The following ADAM20 variants were observed in gnomAD, a reference collection of about 807,000 sequenced individuals.
The protein encoded by ADAM20 is ADAM metallopeptidase domain 20, also known as disintegrin and metalloproteinase domain-containing protein 20.
For missense variants in ADAM20, 871 were observed against 883.2 expected (o/e 0.99, Z 0.18); for synonymous variants, 305 against 310.2 (o/e 0.98, Z 0.18).
the ADAM20 span, among the ~76,000 whole-genome samples, chr14:70,570,785 C>A: frequency 2.8e-3 from 420 of 150,552 alleles, no homozygotes; most frequent in African/African-American, 1.0e-2. Context: ...ACCCTGGTAT[C>A]AAAATCTAGC....
upstream of ADAM20, among the ~76,000 whole-genome samples, chr14:70,537,493 G>A (rs1883860922): frequency 6.6e-6 from 1 of 152,170 alleles, no homozygotes; most frequent in South Asian, 2.1e-4. Context: ...ACAGTACCTG[G>A]GGAAAGTGAG....
At chr14:70,574,803 A>C in the ADAM20 span, among the ~76,000 whole-genome samples, 1 of 152,172 alleles carries the variant, frequency 6.6e-6, no homozygotes, top group Non-Finnish European at 1.5e-5. Flanking sequence ...CAAATCAAAC[A>C]AGTGAATTTT....
At chr14:70,577,712 C>T in the ADAM20 span, among the ~76,000 whole-genome samples, 2 of 152,112 alleles carry the variant, frequency 1.3e-5, no homozygotes, top group African/African-American at 4.8e-5. Context: ...TATGGACCAA[C>T]GGAATACCAT....
At position 70,524,834 on chromosome 14, in the gene ADAM20, C is replaced by T; in HGVS notation, c.-77G>A. On this transcript the variant is annotated 5_prime_UTR_variant, in exon 2 of 2. Transcript: ENST00000256389. The stretch of plus-strand genomic sequence containing the variant: ...GTGAGGCACTGCTGGTCTGGCTCCT[C>T]CCTCTGAGCTGTTCAGGGTGCATGG... The T allele has an allele frequency of 6.2e-7, 1 of 1,613,236 alleles. No homozygotes were observed. The highest frequency in any genetic ancestry group is 8.5e-7 in the Non-Finnish European group (1 of 1,179,900).
At chr14:70,567,125 C>A in the ADAM20 span, among the ~76,000 whole-genome samples, 2 of 152,182 alleles carry the variant, frequency 1.3e-5, no homozygotes, top group African/African-American at 4.8e-5. Flanking sequence ...GGATAGAGAA[C>A]CAGCTGGCTA....
At chr14:70,546,690 A>T in the ADAM20 span, among the ~76,000 whole-genome samples, 1 of 152,110 alleles carries the variant, frequency 6.6e-6, no homozygotes, top group East Asian at 1.9e-4. Context: ...CTTTCACAGC[A>T]CCTACATCAA....
At chr14:70,537,609 AG>A (rs1883863490), upstream of ADAM20, among the ~76,000 whole-genome samples, 1 of 152,168 alleles carries the variant, frequency 6.6e-6, no homozygotes, top group African/African-American at 2.4e-5. Flanking sequence ...AGAGGATTCC[AG>A]GTTTCTGTCT....
At chr14:70,532,533 A>G (rs1047307147) in intron 1 of ADAM20, among the ~76,000 whole-genome samples, 1 of 152,196 alleles carries the variant, frequency 6.6e-6, no homozygotes, top group Non-Finnish European at 1.5e-5. Flanking sequence ...ACAGATGGGC[A>G]TGTAGTGGCA....
the ADAM20 span, among the ~76,000 whole-genome samples, chr14:70,575,674 T>C: frequency 6.6e-6 from 1 of 152,216 alleles, no homozygotes; most frequent in Non-Finnish European, 1.5e-5. Context: ...TTATTAAAAT[T>C]TTCAGTTGAG....
the ADAM20 span, among the ~76,000 whole-genome samples, chr14:70,561,863 T>C: frequency 6.6e-6 from 1 of 152,236 alleles, no homozygotes; most frequent in Non-Finnish European, 1.5e-5. Context: ...TGGAAATGCC[T>C]GGATGTCCAG....
chr14:70,524,118 C>T lies in ADAM20; in HGVS notation c.640G>A (p.Val214Ile), dbSNP rs535315660. 4.3e-6 allele frequency: 7 copies of T among 1,613,878 alleles called. No homozygotes were observed. The South Asian group carries it at 7.7e-5, about 18-fold the overall frequency. ...AAAAGATATCTAATATTATCCACGA[C>T]CACTACCAGCTCAACAAACCGCTGA... ...THQRFVELVV[V>I]VDNIRYLFSQ... Residue 214 changes from valine to isoleucine, a missense_variant, in exon 2 of 2, where the codon GTC (valine) becomes ATC (isoleucine). By Grantham distance (29) the Val-to-Ile change is conservative (BLOSUM62 3). Transcript: ENST00000256389.
the ADAM20 span, among the ~76,000 whole-genome samples, chr14:70,561,078 G>A: frequency 6.6e-6 from 1 of 152,200 alleles, no homozygotes; most frequent in Non-Finnish European, 1.5e-5. Context: ...CTTATTGAAT[G>A]GCTTTTACCA....
At chr14:70,545,872 G>C in the ADAM20 span, among the ~76,000 whole-genome samples, 1 of 152,234 alleles carries the variant, frequency 6.6e-6, no homozygotes, top group East Asian at 1.9e-4. Context: ...GGACCCAAAA[G>C]ACATTTACAG....
the ADAM20 span, chr14:70,547,502 G>C: frequency 7.6e-6 from 1 of 131,702 alleles, no homozygotes; most frequent in Non-Finnish European, 1.6e-5. Flanking sequence ...GAAGCGCAAG[G>C]GGTCAGGGAG....
chr14:70,557,751 ATT>A, the ADAM20 span, among the ~76,000 whole-genome samples: 18,471 of 145,438 alleles, frequency 0.13, 1,180 homozygotes, highest in Middle Eastern at 0.2. Flanking sequence ...TTCTTAAAAC[ATT>A]TTTTTTTTTT....
At chr14:70,555,927 T>C in the ADAM20 span, among the ~76,000 whole-genome samples, 1 of 152,156 alleles carries the variant, frequency 6.6e-6, no homozygotes, top group Non-Finnish European at 1.5e-5. Context: ...CCTGCAACAG[T>C]TCCTTTTAAC....
the ADAM20 span, among the ~76,000 whole-genome samples, chr14:70,571,937 T>C: frequency 6.6e-6 from 1 of 152,114 alleles, no homozygotes; most frequent in Admixed American, 6.5e-5. Flanking sequence ...GCGAAAGACC[T>C]CTACAAGGAG....
At chr14:70,565,914 A>G in the ADAM20 span, among the ~76,000 whole-genome samples, 1 of 151,988 alleles carries the variant, frequency 6.6e-6, no homozygotes, top group African/African-American at 2.4e-5. Flanking sequence ...GGATCACTAC[A>G]TATTTAAAGT....
At chr14:70,554,195 T>C in the ADAM20 span, among the ~76,000 whole-genome samples, 2 of 152,112 alleles carry the variant, frequency 1.3e-5, no homozygotes, top group African/African-American at 2.4e-5. Flanking sequence ...AAATACCTTA[T>C]AGAATGGCTG....
Sources: gnomAD v4.1 joint callset for allele counts (sites outside exome capture counted in the v4.1 genomes callset) on GRCh38, gnomAD v4.1.1 for gene constraint, MANE v1.5 for transcripts, NCBI Gene and HGNC (gene_info 2026-07-23, HGNC 2026-07-21) for gene names.